The following SIK3 variants were observed in gnomAD, a reference collection of about 807,000 sequenced individuals.
SIK3 encodes the protein serine/threonine-protein kinase SIK3.
Under a neutral mutation model 144.2 loss-of-function variants are expected in SIK3, and 28 were observed. The ratio of observed to expected loss-of-function variants is 0.19; its 90% CI spans 0.14 to 0.27. The LOEUF is 0.27. Ranked by LOEUF, SIK3 falls within the 10% of genes least tolerant of loss-of-function variation. The pLI is 1.00. For missense variants in SIK3, 1,319 were observed against 1,776.0 expected (o/e 0.74, Z 4.62); for synonymous variants, 686 against 676.3 (o/e 1.01, Z -0.22).
At chr11:116,909,964 TG>T (rs1203245798) in intron 4 of SIK3, among the ~76,000 whole-genome samples, 1 of 152,194 alleles carries the variant, frequency 6.6e-6, no homozygotes, top group Non-Finnish European at 1.5e-5. Flanking sequence ...TATACAATGA[TG>T]AAGTTTCCAG....
intron 1 of SIK3, among the ~76,000 whole-genome samples, chr11:116,988,342 C>T (rs1950391514): frequency 6.6e-6 from 1 of 151,688 alleles, no homozygotes; most frequent in Admixed American, 6.6e-5. Context: ...GCCGAGATGG[C>T]GCCACTGCAC....
chr11:116,919,376 A>C (rs1179415271), intron 4 of SIK3, among the ~76,000 whole-genome samples: 2 of 152,182 alleles, frequency 1.3e-5, no homozygotes, highest in African/African-American at 4.8e-5. Flanking sequence ...CATGCTCTGA[A>C]AATTCTTTCC....
At chr11:116,872,707 T>C (rs1222077040) in intron 13 of SIK3, among the ~76,000 whole-genome samples, 1 of 152,256 alleles carries the variant, frequency 6.6e-6, no homozygotes, top group African/African-American at 2.4e-5. Flanking sequence ...TATATGTGTT[T>C]AAATTTTCAC....
intron 1 of SIK3, among the ~76,000 whole-genome samples, chr11:117,080,269 C>T (rs1225344666): frequency 2.0e-5 from 3 of 152,178 alleles, no homozygotes; most frequent in African/African-American, 7.2e-5. Context: ...AAATCACTGT[C>T]ATACACTCTC....
At chr11:117,013,795 T>G (rs1340902964) in intron 1 of SIK3, among the ~76,000 whole-genome samples, 1 of 140,776 alleles carries the variant, frequency 7.1e-6, no homozygotes, top group East Asian at 2.1e-4. Flanking sequence ...CTTATTTTAC[T>G]GATAAAACTG....
At chr11:117,093,027 A>G (rs1221718302) in intron 1 of SIK3, among the ~76,000 whole-genome samples, 1 of 152,224 alleles carries the variant, frequency 6.6e-6, no homozygotes, top group African/African-American at 2.4e-5. Flanking sequence ...AGCTCTTTAC[A>G]AAATTTCAAA....
At chr11:116,908,255 T>C (rs1946155526) in intron 4 of SIK3, among the ~76,000 whole-genome samples, 1 of 152,160 alleles carries the variant, frequency 6.6e-6, no homozygotes, top group African/African-American at 2.4e-5. Context: ...ACAGGAGGAT[T>C]GCTTGAGCTC....
chr11:116,872,572 G>A (rs1214092548), intron 13 of SIK3, among the ~76,000 whole-genome samples: 3 of 152,086 alleles, frequency 2.0e-5, no homozygotes, highest in Non-Finnish European at 2.9e-5. Flanking sequence ...GATAAGGTAA[G>A]TACAGAAATC....
chr11:117,027,024 C>T (rs1297367083), intron 1 of SIK3, among the ~76,000 whole-genome samples: 2 of 152,318 alleles, frequency 1.3e-5, no homozygotes, highest in Middle Eastern at 3.4e-3. Context: ...ATACTACCAA[C>T]GTAATTTTGT....
chr11:117,094,681 G>T (rs1955392051), intron 1 of SIK3, among the ~76,000 whole-genome samples: 1 of 151,994 alleles, frequency 6.6e-6, no homozygotes, highest in South Asian at 2.1e-4. Context: ...AACTAGTGAA[G>T]GTATAATTAG....
At chr11:116,896,219 C>A (rs1379706498) in intron 6 of SIK3, 34 bp downstream of exon 6, 2 of 1,609,442 alleles carry the variant, frequency 1.2e-6, no homozygotes, top group Non-Finnish European at 1.7e-6. Context: ...CTTTCATGAA[C>A]CCATTCATAG....
intron 1 of SIK3, among the ~76,000 whole-genome samples, chr11:117,081,193 T>C (rs1220198015): frequency 6.6e-6 from 1 of 152,142 alleles, no homozygotes; most frequent in African/African-American, 2.4e-5. Flanking sequence ...GGAAAAAATC[T>C]GGTTATAAAT....
At chr11:116,880,327 G>A (rs960811193) in intron 6 of SIK3, among the ~76,000 whole-genome samples, 1 of 150,290 alleles carries the variant, frequency 6.7e-6, no homozygotes, top group African/African-American at 2.5e-5. Context: ...ATCTGCACAA[G>A]AATTTATACA....
intron 1 of SIK3, among the ~76,000 whole-genome samples, chr11:116,987,998 T>C (rs572965303): frequency 9.2e-5 from 14 of 152,306 alleles, no homozygotes; most frequent in African/African-American, 3.4e-4. Flanking sequence ...CTGTGAGAAG[T>C]AGAAAGATCT....
At chr11:116,988,279 G>A (rs537244072) in intron 1 of SIK3, among the ~76,000 whole-genome samples, 1 of 152,200 alleles carries the variant, frequency 6.6e-6, no homozygotes, top group African/African-American at 2.4e-5. Flanking sequence ...CCAGCTACTA[G>A]GGAGGCTAAG....
At chr11:116,968,556 T>C (rs1405136023) in intron 1 of SIK3, among the ~76,000 whole-genome samples, 4 of 152,190 alleles carry the variant, frequency 2.6e-5, no homozygotes, top group Non-Finnish European at 5.9e-5. Flanking sequence ...AGGTTAAACA[T>C]AGCCACAACA....
At chr11:116,873,743 G>C in intron 12 of SIK3, 107 bp from the exon 13 acceptor site, 1 of 1,467,472 alleles carries the variant, frequency 6.8e-7, no homozygotes. Flanking sequence ...GGTCATGACA[G>C]AGACTAGAGG....
In SIK3 at chr11:116,859,588, G is replaced by C; in HGVS notation, c.2442C>G (p.Ser814=). The C allele has an allele frequency of 1.2e-6, 2 of 1,613,828 alleles. No homozygotes were observed. Among genetic ancestry groups the C allele is most frequent in the Non-Finnish European group, 1.7e-6 (2 of 1,179,816 alleles). Residue 814 remains serine, a synonymous_variant, in exon 20 of 25, where the codon TCC becomes TCG. Transcript: ENST00000445177. ...MIQPHGAASS[S]QFQGLPSRSA... is the part of the protein sequence containing the mutation. ...TGCGGGAAGGTAAGCCTTGAAACTGGGAAGAAGATGCAGCCCCTGGAGAGA... is the reference window on the plus strand; with the variant it reads ...TGCGGGAAGGTAAGCCTTGAAACTGCGAAGAAGATGCAGCCCCTGGAGAGA...
At chr11:117,073,264 T>C (rs1954358750) in intron 1 of SIK3, among the ~76,000 whole-genome samples, 1 of 152,218 alleles carries the variant, frequency 6.6e-6, no homozygotes. Flanking sequence ...AATGCTCATT[T>C]TCCTTAGCAT....
Sources: gnomAD v4.1 joint callset for allele counts (sites outside exome capture counted in the v4.1 genomes callset) on GRCh38, gnomAD v4.1.1 for gene constraint, MANE v1.5 for transcripts, NCBI Gene and HGNC (gene_info 2026-07-23, HGNC 2026-07-21) for gene names.